Variants in CLPB observed in about 807,000 individuals in gnomAD.
The protein encoded by CLPB is ClpB family mitochondrial disaggregase.
Under a neutral mutation model 78.4 loss-of-function variants are expected in CLPB, and 40 were observed. That is an observed-to-expected ratio of 0.51 (90% CI 0.40 to 0.66). CLPB has a LOEUF of 0.66. CLPB is among the 30% of genes least tolerant of loss of function. The pLI is 0.00. For synonymous variants in CLPB, 333 were observed against 348.0 expected (o/e 0.96, Z 0.48); for missense variants, 780 against 886.9 (o/e 0.88, Z 1.53).
intron 6 of CLPB, 122 bp downstream of exon 6, chr11:72,329,585 A>T: frequency 1.6e-6 from 1 of 621,932 alleles, no homozygotes; most frequent in Non-Finnish European, 2.9e-6. Flanking sequence ...ATCTGTATTT[A>T]AACAGATAAT....
chr11:72,379,117 G>T (rs896167605), intron 4 of CLPB, among the ~76,000 whole-genome samples: 1 of 152,168 alleles, frequency 6.6e-6, no homozygotes, highest in Non-Finnish European at 1.5e-5. Context: ...TCTCCCCGGG[G>T]CAGCAACAAC....
Position 72,302,312 on chromosome 11 carries a change from G to A in CLPB, c.1159C>T (p.Arg387Ter), listed in dbSNP as rs200203460. ...IRLDMSEFQE[R>*]HEVAKFIGSP... ...GGACTGTCATCACTCACCTCGTGTC[G>A]CTCCTGGAACTCGGACATGTCCAGC... Residue 387 changes from arginine (R) to a stop codon, truncating the protein, a stop_gained, in exon 10 of 16, where the codon CGA (arginine) becomes TGA (stop). Transcript: ENST00000538039. LOFTEE classifies it high-confidence loss of function. 129 of 1,613,988 alleles carry A rather than the reference G, an allele frequency of 8.0e-5. No individual in the cohort carries two copies. The highest frequency in any genetic ancestry group is 1.1e-4 in the Non-Finnish European group (127 of 1,179,938).
rs141383303 is a variant in CLPB, at chr11:72,293,408, G to A, written c.1993C>T (p.Arg665Trp). Reference protein sequence around the residue: ...KDSKTRRLDIRAPLHPEKVCN... With the variant: ...KDSKTRRLDIWAPLHPEKVCN... ...ACCTTCTCAGGGTGCAGTGGTGCCC[G>A]GATGTCCAGTCTGCGAGTCTTGCTG... The change falls in exon 16 of 16, where the codon CGG becomes TGG. Residue 665 changes from arginine (R) to tryptophan (W), a missense_variant. Coordinates refer to ENST00000538039, the MANE Select transcript of CLPB (RefSeq NM_001258392.3). 5.6e-4 allele frequency: 907 copies of A among 1,614,144 alleles called. 6 individuals are homozygous for A. The African/African-American group carries it at 0.011, about 20-fold the overall frequency.
intron 6 of CLPB, among the ~76,000 whole-genome samples, chr11:72,324,645 G>A (rs925956991): frequency 2.6e-5 from 4 of 152,170 alleles, no homozygotes; most frequent in African/African-American, 9.6e-5. Flanking sequence ...ACTTAGCACT[G>A]TATCTGGCCC....
At chr11:72,429,557 T>C (rs1426172918) in intron 2 of CLPB, among the ~76,000 whole-genome samples, 3 of 152,198 alleles carry the variant, frequency 2.0e-5, no homozygotes, top group Non-Finnish European at 2.9e-5. Flanking sequence ...TAGCTCTATA[T>C]AAATGGCCAA....
chr11:72,354,463 G>C, intron 5 of CLPB: 1 of 396,842 alleles, frequency 2.5e-6, no homozygotes. Flanking sequence ...TCACATCCCT[G>C]AGAGGACCTG....
At chr11:72,293,701 C>A in intron 15 of CLPB, 86 bp from the exon 16 acceptor site, 1 of 1,463,820 alleles carries the variant, frequency 6.8e-7, no homozygotes, top group Admixed American at 2.2e-5. Flanking sequence ...TAGGGCAACT[C>A]AGAGACCTCC....
At chr11:72,329,862 T>A in intron 5 of CLPB, 58 bp from the exon 6 acceptor site, 1 of 1,378,972 alleles carries the variant, frequency 7.3e-7, no homozygotes, top group South Asian at 1.2e-5. Flanking sequence ...GACCTCAGCC[T>A]TCCCTTGGAG....
chr11:72,372,507 G>A (rs1174488166), intron 4 of CLPB, among the ~76,000 whole-genome samples: 1 of 152,174 alleles, frequency 6.6e-6, no homozygotes, highest in Non-Finnish European at 1.5e-5. Context: ...GGCAAAATAA[G>A]ATCTCTGGTA....
At chr11:72,354,346 C>T (rs929868241) in intron 5 of CLPB, 13 of 397,260 alleles carry the variant, frequency 3.3e-5, no homozygotes, top group African/African-American at 6.2e-5. Context: ...TTCCTGTGTA[C>T]GATGGATGCC....
chr11:72,413,106 T>C (rs1222169319), intron 2 of CLPB, among the ~76,000 whole-genome samples: 1 of 151,912 alleles, frequency 6.6e-6, no homozygotes, highest in Admixed American at 6.6e-5. Flanking sequence ...CTGACCAACA[T>C]GGAGAAACCC....
At chr11:72,352,232 C>G (rs1442139806) in intron 5 of CLPB, among the ~76,000 whole-genome samples, 2 of 152,184 alleles carry the variant, frequency 1.3e-5, no homozygotes. Context: ...ATTGTGTGAC[C>G]ATCCCACAAT....
chr11:72,427,014 C>T (rs969703070), intron 2 of CLPB, among the ~76,000 whole-genome samples: 1 of 152,198 alleles, frequency 6.6e-6, no homozygotes, highest in African/African-American at 2.4e-5. Flanking sequence ...TCACACCCAG[C>T]TGGGAGGAAT....
chr11:72,405,912 A>T (rs992119971), intron 2 of CLPB, among the ~76,000 whole-genome samples: 2 of 151,494 alleles, frequency 1.3e-5, no homozygotes, highest in Non-Finnish European at 2.9e-5. Flanking sequence ...CGGGCGACAG[A>T]GTGAGACTCT....
At chr11:72,396,574 C>A (rs1410654689) in intron 3 of CLPB, among the ~76,000 whole-genome samples, 2 of 152,204 alleles carry the variant, frequency 1.3e-5, no homozygotes, top group Non-Finnish European at 2.9e-5. Flanking sequence ...GTAACCTCAA[C>A]TTTCTCCTTG....
chr11:72,414,708 G>A (rs977530933), intron 2 of CLPB, among the ~76,000 whole-genome samples: 13 of 152,144 alleles, frequency 8.5e-5, no homozygotes, highest in Non-Finnish European at 1.5e-4. Context: ...TGAAACAAGC[G>A]CACAAATAAG....
At chr11:72,432,841 C>T (rs1856586453) in intron 1 of CLPB, among the ~76,000 whole-genome samples, 1 of 152,144 alleles carries the variant, frequency 6.6e-6, no homozygotes, top group Non-Finnish European at 1.5e-5. Flanking sequence ...CCACATCAAA[C>T]GAATCAAAGT....
chr11:72,359,433 TGAAGA>T (rs1950791743), intron 4 of CLPB, among the ~76,000 whole-genome samples: 1 of 152,096 alleles, frequency 6.6e-6, no homozygotes, highest in Non-Finnish European at 1.5e-5. Flanking sequence ...TCTTAAAGGA[TGAAGA>T]GAAGTTATGC....
In CLPB at chr11:72,299,762, T is replaced by C. The variant is rs114706464; in HGVS notation, c.1329+2041A>G. Among the ~76,000 whole-genome samples the C allele has an allele frequency of 7.9e-3, 1,197 of 152,284 alleles. 15 individuals are homozygous for C. The highest frequency in any genetic ancestry group is 0.028 in the African/African-American group (1,152 of 41,562). On this transcript the variant is annotated intron_variant, in intron 11 of 15. Coordinates refer to ENST00000538039, the MANE Select transcript of CLPB (RefSeq NM_001258392.3). ...AAATCGAGTAAACCTGGATGGCAGCTTTGGTCAATGGAACCAAGAGCATCA... is the reference window on the plus strand; with the variant it reads ...AAATCGAGTAAACCTGGATGGCAGCCTTGGTCAATGGAACCAAGAGCATCA...
Sources: allele counts gnomAD v4.1 joint callset (sites outside exome capture counted in the v4.1 genomes callset), GRCh38; gene constraint gnomAD v4.1.1; transcripts MANE v1.5; gene names NCBI Gene and HGNC (gene_info 2026-07-23, HGNC 2026-07-21).